The following NAV3 variants were observed in gnomAD, a reference collection of about 807,000 sequenced individuals.
NAV3 encodes pore membrane and/or filament interacting like protein 1.
In NAV3, 87 loss-of-function variants were observed where a neutral mutation model predicts 244.7. That is an observed-to-expected ratio of 0.36 (90% CI 0.30 to 0.42). NAV3 has a LOEUF of 0.42. Among genes scored for constraint, NAV3 ranks in the 20% least tolerant of loss-of-function variants. The probability of loss-of-function intolerance (pLI) is 1.00; values close to 1 mark genes in which losing one functional copy is unlikely to be tolerated. For missense variants in NAV3, 2,663 were observed against 2,893.3 expected, an observed-to-expected ratio of 0.92 and a Z score of 1.83; for synonymous variants, 1,126 against 1,042.2, an observed-to-expected ratio of 1.08 and a Z score of -1.55.
intron 2 of NAV3, among the ~76,000 whole-genome samples, chr12:77,808,777 C>T (rs1872124510): frequency 6.6e-6 from 1 of 152,152 alleles, no homozygotes; most frequent in Admixed American, 6.5e-5. Context: ...GTGCCCATAG[C>T]CCCCGCTTCC....
intron 3 of NAV3, among the ~76,000 whole-genome samples, chr12:77,950,089 G>A (rs1890733345): frequency 6.6e-6 from 1 of 152,080 alleles, no homozygotes. Flanking sequence ...TTGCTTCCAA[G>A]TTTTGGCAGT....
chr12:78,196,547 A>G (rs1959177237), intron 34 of NAV3, among the ~76,000 whole-genome samples: 1 of 152,028 alleles, frequency 6.6e-6, no homozygotes, highest in Non-Finnish European at 1.5e-5. Context: ...TGGCCTACCC[A>G]TCTGTGAGAG....
chr12:77,654,848 G>T (rs571853440), intron 2 of NAV3, among the ~76,000 whole-genome samples: 1 of 150,716 alleles, frequency 6.6e-6, no homozygotes, highest in Non-Finnish European at 1.5e-5. Flanking sequence ...CAGGCAAACA[G>T]GGTCTGGAGT....
At chr12:78,153,098 G>A (rs1266583353) in intron 22 of NAV3, among the ~76,000 whole-genome samples, 5 of 151,742 alleles carry the variant, frequency 3.3e-5, no homozygotes, top group South Asian at 2.1e-4. Flanking sequence ...TTGGTATATC[G>A]CATATTTAAA....
chr12:78,081,840 A>G (rs997980415), intron 12 of NAV3, among the ~76,000 whole-genome samples: 2 of 152,172 alleles, frequency 1.3e-5, no homozygotes. Flanking sequence ...CCCACACCAC[A>G]AAGATAAACT....
At chr12:77,895,955 T>TAAAA (rs755975061) in intron 1 of NAV3, among the ~76,000 whole-genome samples, 7 of 104,620 alleles carry the variant, frequency 6.7e-5, no homozygotes, top group Admixed American at 1.0e-4. Flanking sequence ...CAATTTCCAG[T>TAAAA]AAAAAAAAAA....
chr12:78,128,614 T>C (rs564835225), intron 17 of NAV3, 92 bp from the exon 18 acceptor site: 5 of 1,289,312 alleles, frequency 3.9e-6, no homozygotes, highest in South Asian at 3.1e-5. Context: ...TTGTTCATTC[T>C]GAATAGTAAC....
intron 2 of NAV3, among the ~76,000 whole-genome samples, chr12:77,627,686 C>CAAAGG (rs1871699235): frequency 6.6e-6 from 1 of 152,004 alleles, no homozygotes; most frequent in South Asian, 2.1e-4. Context: ...GATATTTATC[C>CAAAGG]AAAGGAAAGG....
intron 2 of NAV3, among the ~76,000 whole-genome samples, chr12:77,726,190 T>C (rs1437552313): frequency 6.6e-6 from 1 of 151,846 alleles, no homozygotes; most frequent in Non-Finnish European, 1.5e-5. Flanking sequence ...TTTTCCAGAG[T>C]TGAAATACTA....
intron 1 of NAV3, among the ~76,000 whole-genome samples, chr12:77,898,063 T>C (rs1274505657): frequency 6.6e-6 from 1 of 152,220 alleles, no homozygotes; most frequent in Non-Finnish European, 1.5e-5. Flanking sequence ...CCATTACAGA[T>C]TATTTTTATT....
chr12:77,997,237 C>CAA (rs139557569), intron 6 of NAV3, among the ~76,000 whole-genome samples: 60 of 78,542 alleles, frequency 7.6e-4, no homozygotes, highest in East Asian at 1.4e-3. Context: ...CACCCTGTCT[C>CAA]AAAAAAAAAA....
intron 12 of NAV3, among the ~76,000 whole-genome samples, chr12:78,099,123 A>G (rs1343011782): frequency 6.6e-6 from 1 of 151,594 alleles, no homozygotes; most frequent in Non-Finnish European, 1.5e-5. Flanking sequence ...TCTAAACATA[A>G]TCTCAATATA....
chr12:78,210,268 C>G (rs185512931), intron 39 of NAV3, 130 bp from the exon 40 acceptor site: 1 of 1,414,274 alleles, frequency 7.1e-7, no homozygotes, highest in Admixed American at 2.3e-5. Flanking sequence ...GAGTAAAAAT[C>G]TAAAATTATT....
intron 8 of NAV3, among the ~76,000 whole-genome samples, chr12:78,018,660 C>T (rs1479252747): frequency 1.3e-5 from 2 of 152,180 alleles, no homozygotes. Flanking sequence ...ACAAAGTCTG[C>T]AGGACTAGAG....
intron 37 of NAV3, among the ~76,000 whole-genome samples, chr12:78,199,763 A>G (rs1336314568): frequency 1.3e-5 from 2 of 152,040 alleles, no homozygotes; most frequent in Non-Finnish European, 2.9e-5. Flanking sequence ...AGATAAGTTC[A>G]ATATGGGCAA....
At chr12:78,209,578 G>T (rs929243680) in intron 39 of NAV3, among the ~76,000 whole-genome samples, 1 of 150,550 alleles carries the variant, frequency 6.6e-6, no homozygotes, top group Non-Finnish European at 1.5e-5. Flanking sequence ...CTCTAACAGT[G>T]GAGCTCCAGA....
intron 17 of NAV3, among the ~76,000 whole-genome samples, chr12:78,128,379 C>T (rs530890129): frequency 3.4e-4 from 52 of 151,920 alleles, no homozygotes; most frequent in African/African-American, 1.2e-3. Context: ...ATTTGTAGTC[C>T]ATGTTTTCAC....
chr12:78,143,513 C>A (rs995917840), intron 20 of NAV3: 2 of 295,514 alleles, frequency 6.8e-6, no homozygotes, highest in Non-Finnish European at 1.3e-5. Context: ...CGTCTGTAAT[C>A]CCAGCTATTT....
chr12:77,727,867 T>C (rs1193421954), intron 2 of NAV3, among the ~76,000 whole-genome samples: 1 of 151,966 alleles, frequency 6.6e-6, no homozygotes, highest in Non-Finnish European at 1.5e-5. Context: ...TGCCAAGTAC[T>C]CTTCTAATTA....
Sources: allele counts gnomAD v4.1 joint callset (sites outside exome capture counted in the v4.1 genomes callset), GRCh38; gene constraint gnomAD v4.1.1; transcripts MANE v1.5; gene names NCBI Gene and HGNC (gene_info 2026-07-23, HGNC 2026-07-21).